Variants in CHIC1 observed in about 807,000 individuals in gnomAD.
CHIC1 encodes the protein cysteine rich hydrophobic domain 1.
In CHIC1, 7 loss-of-function variants were observed where a neutral mutation model predicts 18.5. The ratio of observed to expected loss-of-function variants is 0.38; its 90% CI spans 0.22 to 0.71. The LOEUF (loss-of-function observed/expected upper bound fraction) is 0.71. CHIC1 is among the 30% of genes least tolerant of loss of function. The probability of loss-of-function intolerance (pLI) is 0.49; values close to 1 mark genes in which losing one functional copy is unlikely to be tolerated. For missense variants in CHIC1, 159 were observed against 176.9 expected (o/e 0.90, Z 0.57); for synonymous variants, 77 against 73.5 (o/e 1.05, Z -0.25).
chrX:73,595,679 G>A (rs751829410), intron 3 of CHIC1, among the ~76,000 whole-genome samples: 4 of 111,065 alleles, frequency 3.6e-5, no homozygotes, highest in Non-Finnish European at 5.7e-5. Flanking sequence ...TAATTCTTTT[G>A]GTATATACCC....
intron 3 of CHIC1, among the ~76,000 whole-genome samples, chrX:73,609,191 A>G (rs886952023): frequency 9.5e-5 from 10 of 105,574 alleles, no homozygotes; most frequent in Non-Finnish European, 1.9e-5. Flanking sequence ...CTTTTTATTA[A>G]TTTTTTCTTG....
At chrX:73,670,013 G>C (rs2058022328) in intron 3 of CHIC1, among the ~76,000 whole-genome samples, 1 of 112,003 alleles carries the variant, frequency 8.9e-6, no homozygotes, top group Non-Finnish European at 1.9e-5. Flanking sequence ...CACTCTGCAA[G>C]ACTCCATACA....
At chrX:73,623,398 TA>T (rs774102655) in intron 3 of CHIC1, among the ~76,000 whole-genome samples, 210 of 111,268 alleles carry the variant, frequency 1.9e-3, no homozygotes, top group Non-Finnish European at 3.1e-3. Context: ...TTAGGATAGT[TA>T]GCTCTTCTTG....
chrX:73,570,876 A>G (rs995423321), intron 1 of CHIC1, among the ~76,000 whole-genome samples: 3 of 111,393 alleles, frequency 2.7e-5, no homozygotes, highest in Admixed American at 9.6e-5. Context: ...CAACAGTGTC[A>G]TAGCTGCAAA....
chrX:73,660,549 T>C (rs974129528), intron 3 of CHIC1, among the ~76,000 whole-genome samples: 1 of 111,953 alleles, frequency 8.9e-6, no homozygotes, highest in Non-Finnish European at 1.9e-5. Flanking sequence ...ACAGATTATC[T>C]GGAGTGAATG....
intron 3 of CHIC1, among the ~76,000 whole-genome samples, chrX:73,648,446 A>G (rs2057899961): frequency 8.9e-6 from 1 of 111,842 alleles, no homozygotes; most frequent in Non-Finnish European, 1.9e-5. Flanking sequence ...TTTTAACCCA[A>G]TGCAAAGAAG....
rs766777632 is a variant in CHIC1 at position 73,607,027 on chromosome X, C to T, written c.507+22455C>T. Among the ~76,000 whole-genome samples the T allele has an allele frequency of 3.7e-5, 4 of 109,117 alleles. No homozygotes were observed. In the South Asian group the frequency reaches 1.5e-3, roughly 41 times the overall value. 94.8% of individuals were successfully genotyped at this position (109,117 alleles called of 115,157 possible). On this transcript the variant is annotated intron_variant, in intron 3 of 5. Coordinates refer to ENST00000373502, the MANE Select transcript of CHIC1 (RefSeq NM_001039840.4). ...GAGCACTATGCTGGGAGATCCATTGCTCTTTTCAGAGCCAGCAGGCAGGAA... is the reference window on the plus strand; with the variant it reads ...GAGCACTATGCTGGGAGATCCATTGTTCTTTTCAGAGCCAGCAGGCAGGAA...
chrX:73,660,644 G>A (rs540081037), intron 3 of CHIC1, among the ~76,000 whole-genome samples: 21 of 111,203 alleles, frequency 1.9e-4, no homozygotes, highest in East Asian at 1.4e-3. Context: ...GGCTTGTGTC[G>A]TCCAAGGGAG....
chrX:73,621,274 G>C (rs2057758955), intron 3 of CHIC1, among the ~76,000 whole-genome samples: 1 of 111,796 alleles, frequency 8.9e-6, no homozygotes, highest in Non-Finnish European at 1.9e-5. Flanking sequence ...CATTCAATCT[G>C]TGAATTACTT....
intron 2 of CHIC1, among the ~76,000 whole-genome samples, chrX:73,583,796 A>G (rs1044716557): frequency 9.0e-6 from 1 of 111,502 alleles, no homozygotes; most frequent in Non-Finnish European, 1.9e-5. Flanking sequence ...AGACCTTTCA[A>G]CTTTAAAAGT....
chrX:73,645,544 C>G (rs964632305), intron 3 of CHIC1, among the ~76,000 whole-genome samples: 3 of 111,959 alleles, frequency 2.7e-5, no homozygotes, highest in African/African-American at 9.7e-5. Flanking sequence ...CAAAGAATTC[C>G]CTTTATTCTA....
chrX:73,571,241 T>C (rs147431634), intron 1 of CHIC1, among the ~76,000 whole-genome samples: 12 of 110,714 alleles, frequency 1.1e-4, no homozygotes, highest in Non-Finnish European at 3.8e-5. Flanking sequence ...CTAATCAAGG[T>C]AGGAACATGT....
intron 3 of CHIC1, among the ~76,000 whole-genome samples, chrX:73,618,504 G>A (rs2057743821): frequency 9.0e-6 from 1 of 111,258 alleles, no homozygotes. Context: ...TATGTTCCCA[G>A]GGGATTATGG....
intron 3 of CHIC1, among the ~76,000 whole-genome samples, chrX:73,633,704 G>A (rs181875476): frequency 3.0e-4 from 33 of 110,539 alleles, no homozygotes; most frequent in Non-Finnish European, 4.2e-4. Context: ...AATAAGTCTC[G>A]TTGGCTTTCT....
intron 3 of CHIC1, among the ~76,000 whole-genome samples, chrX:73,585,125 T>C (rs997611205): frequency 8.9e-6 from 1 of 111,871 alleles, no homozygotes; most frequent in Non-Finnish European, 1.9e-5. Flanking sequence ...AATATTTTAA[T>C]TGAAGCCAAT....
chrX:73,585,842 T>C (rs2057550433), intron 3 of CHIC1, among the ~76,000 whole-genome samples: 1 of 111,046 alleles, frequency 9.0e-6, no homozygotes, highest in Admixed American at 9.6e-5. Context: ...CATTTGATTT[T>C]ACTATCAATA....
At chrX:73,648,377 G>T (rs1486549210) in intron 3 of CHIC1, among the ~76,000 whole-genome samples, 1 of 112,192 alleles carries the variant, frequency 8.9e-6, no homozygotes, top group Non-Finnish European at 1.9e-5. Flanking sequence ...TGGACGAATT[G>T]ACAGAAGTAG....
chrX:73,614,623 A>G (rs2057724022), intron 3 of CHIC1, among the ~76,000 whole-genome samples: 2 of 108,681 alleles, frequency 1.8e-5, no homozygotes, highest in Admixed American at 2.0e-4. Context: ...TTATGTTCTG[A>G]AATTATTTCT....
chrX:73,604,556 T>G (rs1209579029), intron 3 of CHIC1, among the ~76,000 whole-genome samples: 3 of 108,536 alleles, frequency 2.8e-5, no homozygotes, highest in Non-Finnish European at 5.7e-5. Context: ...GCTTTTGAAT[T>G]TGTTTGCTCT....
Sources: allele counts gnomAD v4.1 joint callset (sites outside exome capture counted in the v4.1 genomes callset), GRCh38; gene constraint gnomAD v4.1.1; transcripts MANE v1.5; gene names NCBI Gene and HGNC (gene_info 2026-07-23, HGNC 2026-07-21).